The following BICRA variants were observed in gnomAD, a reference collection of about 807,000 sequenced individuals.
BICRA encodes the protein BRD4 interacting chromatin remodeling complex associated protein, also known as BRD4-interacting chromatin-remodeling complex-associated protein.
A neutral mutation model predicts 96.9 loss-of-function variants in BICRA; 31 were observed. The ratio of observed to expected loss-of-function variants is 0.32; its 90% CI spans 0.24 to 0.43. The LOEUF (loss-of-function observed/expected upper bound fraction) is 0.43, where lower values mean the gene tolerates loss of function less well. Among genes scored for constraint, BICRA ranks in the 20% least tolerant of loss-of-function variants. BICRA has a pLI of 1.00. For synonymous variants in BICRA, 1,350 were observed against 1,071.8 expected, an observed-to-expected ratio of 1.26 and a Z score of -5.07; for missense variants, 2,283 against 2,190.3, an observed-to-expected ratio of 1.04 and a Z score of -0.84.
In BICRA at chr19:47,609,761, C is replaced by T. The variant is rs367628751; in HGVS notation, c.-108+593C>T. On this transcript the variant is annotated intron_variant, in intron 1 of 14. Transcript: ENST00000594866. ...CGGCCCCTGCGCCCCCTCCCCAAAT[C>T]CCTCCCGTGGGTGTCGCGGACAGTG... Among the ~76,000 whole-genome samples, 41 of 152,252 alleles carry T rather than the reference C, an allele frequency of 2.7e-4. No homozygotes were observed. In the South Asian group the frequency reaches 5.0e-3, roughly 18 times the overall value.
At position 47,702,020 on chromosome 19, in the gene BICRA, C is replaced by G; in HGVS notation, c.4288C>G (p.Arg1430Gly). The G allele has an allele frequency of 6.7e-7, 1 of 1,489,710 alleles. No individual in the cohort carries two copies. The highest frequency in any genetic ancestry group is 8.9e-7 in the Non-Finnish European group (1 of 1,128,762). 92.3% of individuals were successfully genotyped at this position (1,489,710 alleles called of 1,614,324 possible). ...GGACGAGGCCACCAGCGGGCTCATC[C>G]GCGAGCTGGCGGCCGTGGAGGACGA... ...KVDEATSGLIRELAAVEDELY... is the reference protein window; with the variant it reads ...KVDEATSGLIGELAAVEDELY... Residue 1430 changes from arginine (R) to glycine (G), a missense_variant, in exon 15 of 15, where the codon CGC becomes GGC. By Grantham distance (125) the Arg-to-Gly change is moderately radical (BLOSUM62 -2). Transcript: ENST00000594866.
intron 1 of BICRA, among the ~76,000 whole-genome samples, chr19:47,664,134 T>G (rs544110820): frequency 6.6e-6 from 1 of 152,302 alleles, no homozygotes; most frequent in South Asian, 2.1e-4. Flanking sequence ...GCACTTCTTA[T>G]CAGCAAATGA....
chr19:47,651,318 C>T, intron 1 of BICRA, among the ~76,000 whole-genome samples: 1 of 152,156 alleles, frequency 6.6e-6, no homozygotes, highest in East Asian at 1.9e-4. Flanking sequence ...GCCCTCATCA[C>T]TGCCCGTGGT....
At chr19:47,625,968 G>A (rs753809299) in intron 1 of BICRA, among the ~76,000 whole-genome samples, 28 of 152,150 alleles carry the variant, frequency 1.8e-4, no homozygotes, top group Non-Finnish European at 3.4e-4. Flanking sequence ...AGCAAATGGT[G>A]GTTCTTAATT....
rs1322948682 is a variant in BICRA at position 47,679,545 on chromosome 19, C to A, written c.375C>A (p.Asp125Glu). 5 of 1,547,296 alleles carry A rather than the reference C, an allele frequency of 3.2e-6. No individual in the cohort carries two copies. Among genetic ancestry groups the A allele is most frequent in the Non-Finnish European group, 4.4e-6 (5 of 1,145,966 alleles). Residue 125 changes from aspartate to glutamate, a missense_variant, in exon 6 of 15, where the codon GAC (aspartate) becomes GAA (glutamate). Physicochemically the swap from Asp to Glu is conservative, Grantham distance 45. Coordinates refer to ENST00000594866, the MANE Select transcript of BICRA (RefSeq NM_001394372.1). The part of the protein sequence containing the change: ...EQTLEAEAEL[D>E]LGPFQLPTLQ... ...CGCTGGAGGCCGAGGCTGAGCTGGA[C>A]CTGGGTCCCTTCCAGCTGCCCACCC...
At chr19:47,687,211 A>G (rs2974242) in intron 7 of BICRA, among the ~76,000 whole-genome samples, 117,502 of 152,100 alleles carry the variant, frequency 0.77, 45,716 homozygotes, top group East Asian at 0.96. Context: ...GCCACAGACC[A>G]TATGTAAATG....
chr19:47,696,300 TG>T, intron 10 of BICRA, 150 bp from the exon 11 acceptor site: 1 of 666,706 alleles, frequency 1.5e-6, no homozygotes, highest in Non-Finnish European at 2.6e-6. Context: ...TTCATTGTGA[TG>T]GGCAGGGGAT....
chr19:47,688,379 A>G (rs1321566091), intron 7 of BICRA, among the ~76,000 whole-genome samples: 1 of 152,150 alleles, frequency 6.6e-6, no homozygotes, highest in African/African-American at 2.4e-5. Context: ...CTAGCAGTTG[A>G]AGACCAAATA....
chr19:47,628,901 C>T (rs895481777), intron 1 of BICRA, among the ~76,000 whole-genome samples: 1 of 152,072 alleles, frequency 6.6e-6, no homozygotes, highest in Non-Finnish European at 1.5e-5. Context: ...AGCCACCGCA[C>T]CTGGCCTTAA....
intron 1 of BICRA, among the ~76,000 whole-genome samples, chr19:47,634,469 T>G (rs927670104): frequency 6.6e-6 from 1 of 152,144 alleles, no homozygotes; most frequent in Non-Finnish European, 1.5e-5. Flanking sequence ...GGGGTTTCAC[T>G]CACTTTCTCT....
At chr19:47,651,886 T>C (rs1338189048) in intron 1 of BICRA, among the ~76,000 whole-genome samples, 1 of 152,200 alleles carries the variant, frequency 6.6e-6, no homozygotes, top group East Asian at 1.9e-4. Flanking sequence ...TTCCCACAGA[T>C]GGCGCCACTC....
chr19:47,642,883 T>C (rs1480961961), intron 1 of BICRA, among the ~76,000 whole-genome samples: 2 of 152,224 alleles, frequency 1.3e-5, no homozygotes, highest in Non-Finnish European at 2.9e-5. Context: ...CTCATTATGG[T>C]TGTAGTTTTA....
chr19:47,657,796 A>G (rs1972642937), intron 1 of BICRA, among the ~76,000 whole-genome samples: 1 of 152,146 alleles, frequency 6.6e-6, no homozygotes, highest in South Asian at 2.1e-4. Flanking sequence ...GTTGGTATAT[A>G]TTTAACTTTA....
chr19:47,641,070 A>ATTTTTTTTTTTTTTT (rs71180861), intron 1 of BICRA, among the ~76,000 whole-genome samples: 6 of 104,550 alleles, frequency 5.7e-5, no homozygotes, highest in Non-Finnish European at 9.2e-5. Flanking sequence ...TGCCTGGCTA[A>ATTTTTTTTTTTTTTT]TTTTTTTTTT....
chr19:47,672,822 C>T lies in BICRA; in HGVS notation c.-5-748C>T, dbSNP rs138795904. Among the ~76,000 whole-genome samples the T allele has an allele frequency of 3.9e-5, 6 of 152,102 alleles. No individual in the cohort carries two copies. The East Asian group carries it at 5.8e-4, about 15-fold the overall frequency. On this transcript the variant is annotated intron_variant, in intron 2 of 14. Transcript: ENST00000594866. The stretch of plus-strand genomic sequence containing the variant: ...CAGTGCCTGGCACCTAGTGAGCACT[C>T]GACAAATGTTAGCCATCCTCATCCT...
chr19:47,680,301 G>A lies in BICRA; in HGVS notation c.1131G>A (p.Thr377=), dbSNP rs1410243495. 1.3e-6 allele frequency: 2 copies of A among 1,554,028 alleles called. No individual in the cohort carries two copies. Among genetic ancestry groups the A allele is most frequent in the African/African-American group, 1.4e-5 (1 of 73,180 alleles). Residue 377 remains threonine (T), a synonymous_variant, in exon 6 of 15, where the codon ACG becomes ACA. Coordinates refer to ENST00000594866, the MANE Select transcript of BICRA (RefSeq NM_001394372.1). ...TPKPFAPAGA[T]LTIQGEPGAL... Reference sequence around the variant, plus strand: ...AGCCGTTTGCGCCCGCGGGCGCCACGCTCACCATCCAGGGCGAGCCGGGGG... The same window carrying A: ...AGCCGTTTGCGCCCGCGGGCGCCACACTCACCATCCAGGGCGAGCCGGGGG...
Position 47,694,185 on chromosome 19 carries a change from T to C in BICRA, c.2354T>C (p.Leu785Pro). 1 of 1,445,154 alleles carries C rather than the reference T, an allele frequency of 6.9e-7. No individual in the cohort carries two copies. Among genetic ancestry groups the C allele is most frequent in the Non-Finnish European group, 9.2e-7 (1 of 1,084,690 alleles). 89.5% of individuals were successfully genotyped at this position (1,445,154 alleles called of 1,614,324 possible). A position where few individuals can be genotyped will look rare whatever the true frequency, so the allele number is the denominator to read the frequency against. Residue 785 changes from leucine (L) to proline (P), a missense_variant, in exon 8 of 15, where the codon CTG (leucine) becomes CCG (proline). Physicochemically the swap from Leu to Pro is moderately conservative, Grantham distance 98. Transcript: ENST00000594866. Reference protein sequence around the residue: ...SSPSLPHQAPLGDSPHLPSPH... With the variant: ...SSPSLPHQAPPGDSPHLPSPH... ...CCGTCACTACCTCACCAGGCCCCTC[T>C]GGGGGACAGCCCCCACCTGCCCTCC... is the stretch of plus-strand genomic sequence containing the variant.
At chr19:47,643,518 C>T (rs1194740964) in intron 1 of BICRA, among the ~76,000 whole-genome samples, 2 of 152,128 alleles carry the variant, frequency 1.3e-5, no homozygotes, top group Non-Finnish European at 2.9e-5. Context: ...CGGGGCTGCT[C>T]ACGGTGCTGT....
rs573393129 is a variant in BICRA at position 47,626,296 on chromosome 19, G to A, written c.-108+17128G>A. On this transcript the variant is annotated intron_variant, in intron 1 of 14. Coordinates refer to ENST00000594866, the MANE Select transcript of BICRA (RefSeq NM_001394372.1). ...ACACGAGTAAACTGAGGCACAGAGC[G>A]ATTAAGTGACTTGCCCAGAGCCCGA... The A allele has an allele frequency of 1.1e-3, 171 of 152,368 alleles. No homozygotes were observed. In the Middle Eastern group the frequency reaches 0.014, roughly 12 times the overall value. 9.4% of individuals were successfully genotyped at this position (152,368 alleles called of 1,614,324 possible).
Sources: gnomAD v4.1 joint callset for allele counts (sites outside exome capture counted in the v4.1 genomes callset) on GRCh38, gnomAD v4.1.1 for gene constraint, MANE v1.5 for transcripts, NCBI Gene and HGNC (gene_info 2026-07-23, HGNC 2026-07-21) for gene names.